The following ADAMTS17 variants were observed in gnomAD, a reference collection of about 807,000 sequenced individuals.
ADAMTS17 encodes the protein ADAM metallopeptidase with thrombospondin type 1 motif 17, also known as A disintegrin and metalloproteinase with thrombospondin motifs 17.
In ADAMTS17, 113 loss-of-function variants were observed where a neutral mutation model predicts 141.5. That is an observed-to-expected ratio of 0.80 (90% CI 0.69 to 0.93). The LOEUF (loss-of-function observed/expected upper bound fraction) is 0.93, where lower values mean the gene tolerates loss of function less well. Ranked by LOEUF, ADAMTS17 falls within the 40% of genes least tolerant of loss-of-function variation. The probability of loss-of-function intolerance (pLI) is 0.00; values close to 1 mark genes in which losing one functional copy is unlikely to be tolerated. For missense variants in ADAMTS17, 1,659 were observed against 1,517.9 expected (o/e 1.09, Z -1.54); for synonymous variants, 768 against 630.6 (o/e 1.22, Z -3.27).
chr15:100,184,539 A>G (rs2040637171), intron 8 of ADAMTS17, among the ~76,000 whole-genome samples: 1 of 152,144 alleles, frequency 6.6e-6, no homozygotes, highest in Admixed American at 6.5e-5. Flanking sequence ...ACAGACGAGG[A>G]CACTGGGGCA....
chr15:100,153,024 A>G (rs751437287), intron 9 of ADAMTS17, among the ~76,000 whole-genome samples: 3 of 152,208 alleles, frequency 2.0e-5, no homozygotes, highest in Non-Finnish European at 4.4e-5. Context: ...CGACATCCAC[A>G]AGGCTGATGG....
intron 18 of ADAMTS17, among the ~76,000 whole-genome samples, chr15:100,011,047 G>A (rs1040819471): frequency 3.3e-5 from 5 of 151,856 alleles, no homozygotes; most frequent in South Asian, 2.1e-4. Context: ...GCCCCGCGAC[G>A]CAGACAACGT....
chr15:100,136,379 T>A (rs1296828656), intron 10 of ADAMTS17, among the ~76,000 whole-genome samples: 1 of 152,214 alleles, frequency 6.6e-6, no homozygotes, highest in East Asian at 1.9e-4. Flanking sequence ...TCATCCAAGC[T>A]TGGCCACCAG....
At chr15:100,069,278 G>C (rs906686110) in intron 15 of ADAMTS17, among the ~76,000 whole-genome samples, 4 of 152,242 alleles carry the variant, frequency 2.6e-5, no homozygotes, top group African/African-American at 9.6e-5. Context: ...TGGTGTACCT[G>C]AAAGTGACGG....
intron 10 of ADAMTS17, among the ~76,000 whole-genome samples, chr15:100,151,414 G>A (rs944654588): frequency 2.6e-5 from 4 of 152,186 alleles, no homozygotes; most frequent in African/African-American, 9.7e-5. Flanking sequence ...CACTCAAGAG[G>A]CAGCATCTGT....
chr15:100,191,387 A>G (rs1489511624), intron 8 of ADAMTS17, among the ~76,000 whole-genome samples: 1 of 152,208 alleles, frequency 6.6e-6, no homozygotes, highest in South Asian at 2.1e-4. Context: ...GTAGGACTGC[A>G]TGTGCCTGCT....
chr15:100,255,705 G>A (rs1321540965), intron 6 of ADAMTS17, among the ~76,000 whole-genome samples: 3 of 151,222 alleles, frequency 2.0e-5, no homozygotes, highest in Admixed American at 6.6e-5. Flanking sequence ...TTAAAGCTTT[G>A]CCCCATCATC....
intron 3 of ADAMTS17, among the ~76,000 whole-genome samples, chr15:100,315,666 G>A (rs2045542268): frequency 6.6e-6 from 1 of 152,046 alleles, no homozygotes; most frequent in Non-Finnish European, 1.5e-5. Context: ...TGAGACCCCT[G>A]CGTCCACAAA....
intron 7 of ADAMTS17, among the ~76,000 whole-genome samples, chr15:100,252,351 T>C (rs989179122): frequency 6.6e-6 from 1 of 152,134 alleles, no homozygotes; most frequent in Non-Finnish European, 1.5e-5. Flanking sequence ...ACCAAACCTC[T>C]CAATCCAGTG....
chr15:100,255,685 C>A (rs2043304057), intron 6 of ADAMTS17, among the ~76,000 whole-genome samples: 1 of 148,798 alleles, frequency 6.7e-6, no homozygotes, highest in Non-Finnish European at 1.5e-5. Context: ...GAGTTGTGAA[C>A]AGGACATATT....
intron 18 of ADAMTS17, among the ~76,000 whole-genome samples, chr15:100,026,005 T>G (rs991695403): frequency 6.6e-6 from 1 of 152,218 alleles, no homozygotes; most frequent in Non-Finnish European, 1.5e-5. Flanking sequence ...AAAGCAAGGC[T>G]TGTAACTACA....
At chr15:100,124,495 T>G (rs12916667) in intron 12 of ADAMTS17, among the ~76,000 whole-genome samples, 1 of 152,052 alleles carries the variant, frequency 6.6e-6, no homozygotes, top group African/African-American at 2.4e-5. Context: ...AGTGAGGACA[T>G]GGGGCAAGTA....
At chr15:100,266,554 C>T (rs1271315410) in intron 4 of ADAMTS17, among the ~76,000 whole-genome samples, 1 of 152,220 alleles carries the variant, frequency 6.6e-6, no homozygotes, top group Non-Finnish European at 1.5e-5. Flanking sequence ...TGGAATGAGG[C>T]TGCTCTCCAC....
intron 8 of ADAMTS17, among the ~76,000 whole-genome samples, chr15:100,162,860 G>GTA (rs889745239): frequency 3.5e-5 from 5 of 142,080 alleles, no homozygotes; most frequent in South Asian, 2.2e-4. Context: ...ATATATCTGT[G>GTA]TATATATATA....
intron 3 of ADAMTS17, among the ~76,000 whole-genome samples, chr15:100,311,300 C>T (rs1040978403): frequency 1.3e-5 from 2 of 152,298 alleles, no homozygotes; most frequent in Non-Finnish European, 2.9e-5. Flanking sequence ...ACCCCCACCG[C>T]CCCCTGCAAC....
intron 15 of ADAMTS17, among the ~76,000 whole-genome samples, chr15:100,088,618 C>T (rs1380990082): frequency 6.6e-6 from 1 of 151,926 alleles, no homozygotes; most frequent in Non-Finnish European, 1.5e-5. Flanking sequence ...ACCAAAACAG[C>T]ATGGTACTGG....
At chr15:100,329,444 T>C (rs935440247) in intron 3 of ADAMTS17, among the ~76,000 whole-genome samples, 3 of 151,108 alleles carry the variant, frequency 2.0e-5, no homozygotes, top group South Asian at 4.2e-4. Flanking sequence ...GAGGATCACC[T>C]GAGCGCAGGA....
Position 99,997,628 on chromosome 15 carries a change from G to A in ADAMTS17, c.2592-39C>T. On this transcript the variant is annotated intron_variant, in intron 18 of 21. Transcript: ENST00000268070. This position sits in a 1 kb window ranked among gnomAD's most constrained non-coding sequence, Gnocchi z 4.7. ...GGAAAGAGAGAGAGAACGACTGGGT[G>A]AGAGGCCAGCCTCTCCGGAGGGCCT... 6.2e-7 allele frequency: 1 copy of A among 1,610,780 alleles called. No homozygotes were observed. The highest frequency in any genetic ancestry group is 8.5e-7 in the Non-Finnish European group (1 of 1,179,292).
intron 8 of ADAMTS17, among the ~76,000 whole-genome samples, chr15:100,187,319 C>T (rs550943448): frequency 2.6e-5 from 4 of 152,284 alleles, no homozygotes; most frequent in South Asian, 2.1e-4. Context: ...GGGTGCTCTT[C>T]GACTTTCTTT....
Sources: allele counts gnomAD v4.1 joint callset (sites outside exome capture counted in the v4.1 genomes callset), GRCh38; gene constraint gnomAD v4.1.1; non-coding constraint Gnocchi (gnomAD v3.1); transcripts MANE v1.5; gene names NCBI Gene and HGNC (gene_info 2026-07-23, HGNC 2026-07-21).